Variants in MMS22L observed in about 807,000 individuals in gnomAD.
The protein encoded by MMS22L is protein MMS22-like.
A neutral mutation model predicts 159.1 loss-of-function variants in MMS22L; 74 were observed. The observed-to-expected ratio is 0.47, with a 90% CI of 0.39 to 0.56. The LOEUF (loss-of-function observed/expected upper bound fraction) is 0.56. MMS22L is among the 20% of genes least tolerant of loss of function. The probability of loss-of-function intolerance (pLI) is 0.00; values close to 1 mark genes in which losing one functional copy is unlikely to be tolerated. For synonymous variants in MMS22L, 517 were observed against 506.9 expected (o/e 1.02, Z -0.27); for missense variants, 1,351 against 1,422.1 (o/e 0.95, Z 0.80).
At chr6:97,147,566 C>T (rs936827494) in intron 24 of MMS22L, among the ~76,000 whole-genome samples, 1 of 152,326 alleles carries the variant, frequency 6.6e-6, no homozygotes, top group African/African-American at 2.4e-5. Context: ...GGGTGGTTCA[C>T]ACACAGCCTC....
At chr6:97,252,234 T>C (rs913607755) in intron 10 of MMS22L, among the ~76,000 whole-genome samples, 2 of 152,100 alleles carry the variant, frequency 1.3e-5, no homozygotes, top group Non-Finnish European at 2.9e-5. Context: ...GCGGGGTCAA[T>C]ATCAACTAAT....
chr6:97,213,677 T>C (rs1330139363), intron 14 of MMS22L, among the ~76,000 whole-genome samples: 3 of 152,112 alleles, frequency 2.0e-5, no homozygotes, highest in Non-Finnish European at 4.4e-5. Flanking sequence ...AATATAAAAA[T>C]GTAAAAGAGA....
chr6:97,187,297 A>G (rs1312290278), intron 14 of MMS22L, among the ~76,000 whole-genome samples: 1 of 152,174 alleles, frequency 6.6e-6, no homozygotes, highest in African/African-American at 2.4e-5. Context: ...TACTGCCTCA[A>G]ATTTTGATTA....
intron 14 of MMS22L, among the ~76,000 whole-genome samples, chr6:97,202,772 G>A (rs1807314442): frequency 6.6e-6 from 1 of 152,126 alleles, no homozygotes; most frequent in Non-Finnish European, 1.5e-5. Flanking sequence ...AGGTTTAAAA[G>A]AGTACCTAAT....
intron 9 of MMS22L, chr6:97,258,712 A>G (rs1306150024): frequency 2.0e-5 from 3 of 152,200 alleles, no homozygotes; most frequent in African/African-American, 7.2e-5. Context: ...TACAAATATA[A>G]TAGATTTAAA....
intron 14 of MMS22L, among the ~76,000 whole-genome samples, chr6:97,206,955 A>G (rs2127924843): frequency 6.6e-6 from 1 of 152,290 alleles, no homozygotes; most frequent in South Asian, 2.1e-4. Context: ...CCCATCATTA[A>G]CTGAAATAAA....
intron 14 of MMS22L, among the ~76,000 whole-genome samples, chr6:97,220,220 C>A (rs1360492144): frequency 6.6e-6 from 1 of 152,132 alleles, no homozygotes; most frequent in African/African-American, 2.4e-5. Flanking sequence ...TTGGGGATTT[C>A]TTGAGAACTA....
At chr6:97,200,862 T>A (rs1807071018) in intron 14 of MMS22L, among the ~76,000 whole-genome samples, 1 of 151,916 alleles carries the variant, frequency 6.6e-6, no homozygotes, top group Non-Finnish European at 1.5e-5. Flanking sequence ...GAAAAAAAAA[T>A]TACTTTCAAA....
At chr6:97,182,477 A>G (rs985900921) in intron 15 of MMS22L, among the ~76,000 whole-genome samples, 4 of 152,160 alleles carry the variant, frequency 2.6e-5, no homozygotes, top group African/African-American at 9.6e-5. Context: ...GACACTGGAC[A>G]TTCTCTTCTA....
Position 97,165,426 on chromosome 6 carries a change from T to G in MMS22L, c.3041A>C (p.Asn1014Thr), listed in dbSNP as rs1802863971. 7 of 1,612,754 alleles carry G rather than the reference T, an allele frequency of 4.3e-6. No individual in the cohort carries two copies. The highest frequency in any genetic ancestry group is 5.1e-6 in the Non-Finnish European group (6 of 1,179,486). ...CAATTGATTCAAATAGGCATTCGGA[T>G]TTTGAGATTGACAACACACGATACA... ...GMCIVCCQSQ[N>T]PNAYLNQLLG... The change falls in exon 21 of 25, where the codon AAT becomes ACT. Residue 1014 changes from asparagine to threonine, a missense_variant. Physicochemically the swap from Asn to Thr is moderately conservative, Grantham distance 65. Transcript: ENST00000683635.
intron 9 of MMS22L, among the ~76,000 whole-genome samples, chr6:97,257,190 T>C (rs896991014): frequency 6.6e-6 from 1 of 152,196 alleles, no homozygotes; most frequent in South Asian, 2.1e-4. Flanking sequence ...TAGTTAGAAG[T>C]ATATCAGACA....
intron 8 of MMS22L, chr6:97,264,516 A>G (rs913504869): frequency 6.6e-5 from 10 of 152,176 alleles, no homozygotes; most frequent in Non-Finnish European, 1.3e-4. Flanking sequence ...AAAGTTAAAA[A>G]AAAAGTATTA....
chr6:97,260,487 A>G (rs1313792870), intron 9 of MMS22L: 3 of 151,932 alleles, frequency 2.0e-5, no homozygotes, highest in Non-Finnish European at 2.9e-5. Flanking sequence ...TCCTCTTCCT[A>G]TTTCTTTCCT....
chr6:97,245,040 C>T (rs751730920), intron 11 of MMS22L, among the ~76,000 whole-genome samples: 11 of 152,180 alleles, frequency 7.2e-5, no homozygotes, highest in Admixed American at 1.3e-4. Flanking sequence ...GTCTCACTCC[C>T]GCTATGCTCC....
intron 14 of MMS22L, among the ~76,000 whole-genome samples, chr6:97,209,157 T>TC (rs1324903316): frequency 6.6e-6 from 1 of 151,958 alleles, no homozygotes; most frequent in East Asian, 1.9e-4. Context: ...TACTGATGAA[T>TC]CCCCCAAATA....
chr6:97,281,211 CA>C, intron 3 of MMS22L, 25 bp downstream of exon 3: 2 of 1,591,440 alleles, frequency 1.3e-6, no homozygotes, highest in Middle Eastern at 3.4e-4. Context: ...CACCTACACT[CA>C]CAGAAAGTTA....
In MMS22L at chr6:97,178,052, C is replaced by T. The variant is rs758753097; in HGVS notation, c.2679+391G>A. ...GAAGTAGATGGTGCTTATGCCTACA[C>T]TGTTCGCTACAGGGTGATAAACACT... is the stretch of plus-strand genomic sequence containing the variant. On this transcript the variant is annotated intron_variant, in intron 18 of 24. Coordinates refer to ENST00000683635, the MANE Select transcript of MMS22L (RefSeq NM_001350599.2). 8.5e-5 allele frequency among the ~76,000 whole-genome samples: 13 copies of T among 152,278 alleles called. 1 individual carries two copies. In the Middle Eastern group the frequency reaches 0.024, roughly 279 times the overall value.
intron 22 of MMS22L, among the ~76,000 whole-genome samples, chr6:97,152,819 T>TA (rs1562390964): frequency 7.3e-5 from 11 of 151,128 alleles, no homozygotes; most frequent in African/African-American, 2.7e-4. Flanking sequence ...CTTTTTTTTT[T>TA]TAAAAAAAAT....
At chr6:97,254,318 T>C (rs916399924) in intron 10 of MMS22L, 2 of 395,036 alleles carry the variant, frequency 5.1e-6, no homozygotes, top group Middle Eastern at 7.4e-4. Flanking sequence ...CACACAATTG[T>C]TCAGTAGCAG....
Sources: gnomAD v4.1 joint callset for allele counts (sites outside exome capture counted in the v4.1 genomes callset) on GRCh38, gnomAD v4.1.1 for gene constraint, MANE v1.5 for transcripts, NCBI Gene and HGNC (gene_info 2026-07-23, HGNC 2026-07-21) for gene names.